The following ABLIM3 variants were observed in gnomAD, a reference collection of about 807,000 sequenced individuals.
ABLIM3 encodes actin binding LIM protein family member 3.
A neutral mutation model predicts 109.5 loss-of-function variants in ABLIM3; 61 were observed. The ratio of observed to expected loss-of-function variants is 0.56; its 90% CI spans 0.45 to 0.69. ABLIM3 has a LOEUF of 0.69. Ranked by LOEUF, ABLIM3 falls within the 30% of genes least tolerant of loss-of-function variation. The probability of loss-of-function intolerance (pLI) is 0.00; values close to 1 mark genes in which losing one functional copy is unlikely to be tolerated. For missense variants in ABLIM3, 796 were observed against 889.5 expected (o/e 0.89, Z 1.34); for synonymous variants, 300 against 324.8 (o/e 0.92, Z 0.82).
chr5:149,222,853 C>T (rs1760800815), intron 8 of ABLIM3, among the ~76,000 whole-genome samples: 1 of 151,972 alleles, frequency 6.6e-6, no homozygotes, highest in South Asian at 2.1e-4. Context: ...TTTCATGAAA[C>T]CACCCTCTAA....
At chr5:149,246,385 G>T (rs1255319112) in intron 16 of ABLIM3, 97 bp from the exon 17 acceptor site, 3 of 1,175,336 alleles carry the variant, frequency 2.6e-6, no homozygotes, top group African/African-American at 3.3e-5. Flanking sequence ...AGATTAAAAA[G>T]AAAGAAAAGT....
At chr5:149,150,319 C>T (rs1753314546) in intron 2 of ABLIM3, among the ~76,000 whole-genome samples, 1 of 152,100 alleles carries the variant, frequency 6.6e-6, no homozygotes, top group African/African-American at 2.4e-5. Context: ...CAGTAGGATG[C>T]CCTCTCTAGA....
intron 2 of ABLIM3, among the ~76,000 whole-genome samples, chr5:149,150,838 T>G (rs967014569): frequency 1.3e-5 from 2 of 152,236 alleles, no homozygotes; most frequent in Non-Finnish European, 2.9e-5. Context: ...ACTTTCTGTG[T>G]ATCCTTAGGC....
intron 6 of ABLIM3, among the ~76,000 whole-genome samples, chr5:149,207,783 A>G (rs754686317): frequency 1.3e-5 from 2 of 152,220 alleles, no homozygotes; most frequent in Non-Finnish European, 2.9e-5. Context: ...ATAGTTGCTG[A>G]ATGAATTTAA....
intron 2 of ABLIM3, chr5:149,174,424 C>G (rs568425191): frequency 1.3e-5 from 2 of 152,352 alleles, no homozygotes; most frequent in African/African-American, 4.8e-5. Context: ...GGCCTGCCAG[C>G]ATCTCAGGAA....
intron 14 of ABLIM3, 36 bp downstream of exon 14, chr5:149,240,810 G>A (rs1204040346): frequency 1.3e-6 from 2 of 1,566,978 alleles, no homozygotes; most frequent in Non-Finnish European, 1.8e-6. Context: ...TGGGATGGAT[G>A]CATGCTCCAT....
chr5:149,259,723 T>C lies in ABLIM3; in HGVS notation c.*1319T>C. On this transcript the variant is annotated 3_prime_UTR_variant, in exon 24 of 24. Transcript: ENST00000309868. ...CCTTTCACCTTGAATGGGTAATGTTTGGTGGGGGCTGTTCCTTCTTGGAGA... is the reference window on the plus strand; with the variant it reads ...CCTTTCACCTTGAATGGGTAATGTTCGGTGGGGGCTGTTCCTTCTTGGAGA... The C allele has an allele frequency of 1.1e-6, 1 of 887,676 alleles. No homozygotes were observed. Among genetic ancestry groups the C allele is most frequent in the East Asian group, 2.7e-5 (1 of 37,524 alleles). 55.0% of individuals were successfully genotyped at this position (887,676 alleles called of 1,614,324 possible).
intron 2 of ABLIM3, among the ~76,000 whole-genome samples, chr5:149,146,080 C>G (rs570520855): frequency 1.4e-3 from 211 of 152,298 alleles, no homozygotes; most frequent in Non-Finnish European, 2.6e-3. Context: ...CTGTGCCCAG[C>G]CCACTTCTAT....
In ABLIM3 at chr5:149,217,011, A is replaced by G; in HGVS notation, c.722A>G (p.Gln241Arg). ...TGTGCCAGGTGTGTACGCTGCCACC[A>G]GATGTTCACCGAAGGAGAGGAAATG... ...PTCARCVRCH[Q>R]MFTEGEEMYL... Residue 241 changes from glutamine to arginine, a missense_variant, in exon 8 of 24, where the codon CAG becomes CGG. Gln to Arg is a conservative substitution (Grantham distance 43, BLOSUM62 1). Coordinates refer to ENST00000309868, the MANE Select transcript of ABLIM3 (RefSeq NM_014945.5). The G allele has an allele frequency of 6.2e-7, 1 of 1,614,220 alleles. No homozygotes were observed. The highest frequency in any genetic ancestry group is 8.5e-7 in the Non-Finnish European group (1 of 1,180,042).
chr5:149,201,344 G>A (rs979262618), intron 5 of ABLIM3, among the ~76,000 whole-genome samples: 1 of 152,124 alleles, frequency 6.6e-6, no homozygotes, highest in Non-Finnish European at 1.5e-5. Context: ...GAAAATCAAT[G>A]AAAATTCCAT....
chr5:149,213,287 C>T (rs1043308359), intron 7 of ABLIM3, among the ~76,000 whole-genome samples: 1 of 152,084 alleles, frequency 6.6e-6, no homozygotes, highest in Non-Finnish European at 1.5e-5. Flanking sequence ...CCAACCTTGG[C>T]GAGCAGCTGC....
intron 2 of ABLIM3, among the ~76,000 whole-genome samples, chr5:149,170,565 A>G (rs544492078): frequency 1.3e-5 from 2 of 152,234 alleles, no homozygotes; most frequent in Non-Finnish European, 2.9e-5. Flanking sequence ...CAGATGAAGC[A>G]GAGAGCAGAT....
chr5:149,146,432 A>G (rs1752932339), intron 2 of ABLIM3, among the ~76,000 whole-genome samples: 1 of 152,158 alleles, frequency 6.6e-6, no homozygotes. Context: ...TTCTTCTAGA[A>G]TTCTTATAGT....
chr5:149,252,951 C>T, intron 23 of ABLIM3, 114 bp downstream of exon 23: 1 of 769,252 alleles, frequency 1.3e-6, no homozygotes, highest in South Asian at 1.6e-5. Flanking sequence ...GATCACACAG[C>T]TTATTGAAAA....
rs1229901204 is a variant in ABLIM3 at position 149,198,428 on chromosome 5, G to A, written c.335+26G>A. The A allele has an allele frequency of 6.3e-7, 1 of 1,582,642 alleles. No homozygotes were observed. The highest frequency in any genetic ancestry group is 8.6e-7 in the Non-Finnish European group (1 of 1,165,228). ...GTGAGTGGGCGACCAGCAGGGCCTG[G>A]GACCCTCTGCATAAGCCCCCGGGGC... On this transcript the variant is annotated intron_variant, in intron 4 of 23. Transcript: ENST00000309868. The surrounding 1 kb of genome is among the most constrained non-coding windows in gnomAD (Gnocchi z 4.2).
In ABLIM3 at chr5:149,216,764, A is replaced by T. The variant is rs539086611; in HGVS notation, c.670-195A>T. On this transcript the variant is annotated intron_variant, in intron 7 of 23. Transcript: ENST00000309868. Reference sequence around the variant, plus strand: ...GAAGTCCCCTGAACTGCCATCAGGGATCCATGGAGTGAATCACGAAGCTTC... The same window carrying T: ...GAAGTCCCCTGAACTGCCATCAGGGTTCCATGGAGTGAATCACGAAGCTTC... 71 of 575,404 alleles carry T rather than the reference A, an allele frequency of 1.2e-4. No homozygotes were observed. In the East Asian group the frequency reaches 1.8e-3, roughly 14 times the overall value. 35.6% of individuals were successfully genotyped at this position (575,404 alleles called of 1,614,324 possible). A position where few individuals can be genotyped will look rare whatever the true frequency, so the allele number is the denominator to read the frequency against.
At chr5:149,206,825 G>A (rs1479567755) in intron 5 of ABLIM3, among the ~76,000 whole-genome samples, 183 bp from the exon 6 acceptor site, 5 of 151,976 alleles carry the variant, frequency 3.3e-5, no homozygotes, top group Non-Finnish European at 7.4e-5. Flanking sequence ...CCCTTGTCAA[G>A]AGGCCAGGAC....
chr5:149,210,619 G>T, intron 6 of ABLIM3, 107 bp from the exon 7 acceptor site: 1 of 874,386 alleles, frequency 1.1e-6, no homozygotes, highest in Non-Finnish European at 1.9e-6. Context: ...GAGAAGTATC[G>T]AACTTTGGCT....
chr5:149,189,650 A>G (rs1040339355), intron 3 of ABLIM3, among the ~76,000 whole-genome samples: 2 of 152,220 alleles, frequency 1.3e-5, no homozygotes, highest in African/African-American at 2.4e-5. Context: ...TCAAACCACA[A>G]TGAGATGCCA....
Sources: allele counts gnomAD v4.1 joint callset (sites outside exome capture counted in the v4.1 genomes callset), GRCh38; gene constraint gnomAD v4.1.1; non-coding constraint Gnocchi (gnomAD v3.1); transcripts MANE v1.5; gene names NCBI Gene and HGNC (gene_info 2026-07-23, HGNC 2026-07-21).